Variants in PCDHA4 observed in about 807,000 individuals in gnomAD.
The protein encoded by PCDHA4 is protocadherin alpha 4.
Under a neutral mutation model 61.4 loss-of-function variants are expected in PCDHA4, and 49 were observed. The ratio of observed to expected loss-of-function variants is 0.80; its 90% CI spans 0.63 to 1.01. The LOEUF (loss-of-function observed/expected upper bound fraction) is 1.01, where lower values mean the gene tolerates loss of function less well. Ranked by LOEUF, PCDHA4 falls within the 50% of genes least tolerant of loss-of-function variation. The pLI, the probability that PCDHA4 is intolerant of heterozygous loss-of-function variation, is 0.00. For missense variants in PCDHA4, 1,254 were observed against 1,235.8 expected (o/e 1.01, Z -0.22); for synonymous variants, 590 against 550.3 (o/e 1.07, Z -1.01).
At chr5:140,882,180 AG>A (rs2058993159) in intron 1 of PCDHA4, 1 of 1,518,026 alleles carries the variant, frequency 6.6e-7, no homozygotes. Flanking sequence ...CTTCCGCACT[AG>A]GAAGCCATAA....
intron 1 of PCDHA4, among the ~76,000 whole-genome samples, chr5:140,923,225 AGCCCAGAAG>A (rs2081250184): frequency 4.2e-5 from 3 of 71,942 alleles, no homozygotes; most frequent in Admixed American, 3.0e-4. Flanking sequence ...GGATCGTTTG[AGCCCAGAAG>A]TTTGAGACCA....
chr5:140,966,382 G>A, intron 1 of PCDHA4: 1 of 403,884 alleles, frequency 2.5e-6, no homozygotes, highest in Non-Finnish European at 4.3e-6. Context: ...GTCCGGGTTC[G>A]CTGTCCGCCA....
chr5:140,843,109 A>C (rs2150352812), intron 1 of PCDHA4: 9 of 1,595,800 alleles, frequency 5.6e-6, no homozygotes, highest in Non-Finnish European at 6.9e-6. Flanking sequence ...AGGTGCGCGC[A>C]GTGGACGCCG....
chr5:140,817,804 C>T (rs2150099186), intron 1 of PCDHA4, among the ~76,000 whole-genome samples: 1,550 of 152,176 alleles, frequency 0.01, 30 homozygotes, highest in African/African-American at 0.036. Flanking sequence ...GAAACCTTTA[C>T]GTTTTTATAT....
At chr5:140,903,714 A>G (rs1159490924) in intron 1 of PCDHA4, among the ~76,000 whole-genome samples, 3 of 152,324 alleles carry the variant, frequency 2.0e-5, no homozygotes, top group African/African-American at 2.4e-5. Context: ...AAAATATACA[A>G]TTCTCCCTAT....
At chr5:140,858,600 T>TA (rs1554151860) in intron 1 of PCDHA4, 1 of 1,293,862 alleles carries the variant, frequency 7.7e-7, no homozygotes, top group Non-Finnish European at 1.1e-6. Context: ...CCAGGAGTTT[T>TA]AAAATTTTTT....
intron 1 of PCDHA4, among the ~76,000 whole-genome samples, chr5:140,973,020 T>A (rs1057155557): frequency 6.6e-6 from 1 of 152,120 alleles, no homozygotes; most frequent in Non-Finnish European, 1.5e-5. Flanking sequence ...TTGTGATTGT[T>A]AATGAGTCAC....
chr5:140,852,115 C>A, intron 1 of PCDHA4: 1 of 906,762 alleles, frequency 1.1e-6, no homozygotes, highest in Non-Finnish European at 1.3e-6. Context: ...CAAGGTATGA[C>A]CTAATTAAAA....
intron 1 of PCDHA4, chr5:140,882,698 G>GA: frequency 6.2e-7 from 1 of 1,614,200 alleles, no homozygotes; most frequent in Non-Finnish European, 8.5e-7. Flanking sequence ...AATCATTGCA[G>GA]AATCTAGACC....
chr5:140,870,256 A>G, intron 1 of PCDHA4: 1 of 1,614,168 alleles, frequency 6.2e-7, no homozygotes, highest in Non-Finnish European at 8.5e-7. Flanking sequence ...CGGACAGGTG[A>G]CCTGCTCGCT....
chr5:140,890,419 A>G (rs1168983784), intron 1 of PCDHA4, among the ~76,000 whole-genome samples: 4 of 152,212 alleles, frequency 2.6e-5, no homozygotes, highest in Non-Finnish European at 5.9e-5. Context: ...ATATTTATTT[A>G]GTTTATATTT....
At chr5:140,856,568 A>C in intron 1 of PCDHA4, 1 of 1,597,928 alleles carries the variant, frequency 6.3e-7, no homozygotes, top group Non-Finnish European at 8.6e-7. Flanking sequence ...ACTCAGTCCA[A>C]ATGAGTATTT....
chr5:140,855,925 C>T, intron 1 of PCDHA4: 2 of 1,240,614 alleles, frequency 1.6e-6, no homozygotes, highest in Admixed American at 2.5e-5. Flanking sequence ...TAGGAAGTAG[C>T]GTCATTCTGA....
chr5:140,901,953 G>T (rs545807968), intron 1 of PCDHA4, among the ~76,000 whole-genome samples: 1 of 151,712 alleles, frequency 6.6e-6, no homozygotes, highest in African/African-American at 2.4e-5. Flanking sequence ...AGTTTTATTC[G>T]TGGCTATCGT....
At chr5:140,869,659 G>A (rs782595471) in intron 1 of PCDHA4, 4 of 1,613,446 alleles carry the variant, frequency 2.5e-6, no homozygotes, top group Non-Finnish European at 3.4e-6. Context: ...ACCAACAAAT[G>A]GTAAGCAGAT....
intron 1 of PCDHA4, among the ~76,000 whole-genome samples, chr5:140,956,665 G>GCTTT (rs1273636843): frequency 1.3e-5 from 2 of 152,004 alleles, no homozygotes; most frequent in Non-Finnish European, 2.9e-5. Flanking sequence ...TGGCCTTAAA[G>GCTTT]GAGTTAGGGA....
In PCDHA4 at chr5:140,848,769, C is replaced by A. The variant is rs2150419947; in HGVS notation, c.2385+39197C>A. On this transcript the variant is annotated intron_variant, in intron 1 of 3. Coordinates refer to ENST00000530339, the MANE Select transcript of PCDHA4 (RefSeq NM_018907.4). ...TTTGTTTGTGAATTCTCGGATCGAC[C>A]GCGAGGAGCTGTGCGGGCGGAGCGC... 9.6e-5 allele frequency: 153 copies of A among 1,593,410 alleles called. 12 individuals are homozygous for A. The Admixed American group carries it at 1.9e-3, about 20-fold the overall frequency.
intron 1 of PCDHA4, among the ~76,000 whole-genome samples, chr5:140,939,697 A>G (rs1327140175): frequency 6.6e-6 from 1 of 152,232 alleles, no homozygotes; most frequent in African/African-American, 2.4e-5. Context: ...GCTGGACATT[A>G]TCATTTGTGA....
At chr5:140,840,664 A>T (rs2150308594) in intron 1 of PCDHA4, among the ~76,000 whole-genome samples, 5 of 152,102 alleles carry the variant, frequency 3.3e-5, no homozygotes, top group Admixed American at 1.3e-4. Context: ...ATATGCACAT[A>T]CATTTTTATT....
Sources: allele counts gnomAD v4.1 joint callset (sites outside exome capture counted in the v4.1 genomes callset), GRCh38; gene constraint gnomAD v4.1.1; transcripts MANE v1.5; gene names NCBI Gene and HGNC (gene_info 2026-07-23, HGNC 2026-07-21).